Variants in DIPK2A observed in about 807,000 individuals in gnomAD.
DIPK2A encodes Golgi Protein of 49 kDa.
Under a neutral mutation model 39.0 loss-of-function variants are expected in DIPK2A, and 27 were observed. The observed-to-expected ratio is 0.69, with a 90% confidence interval of 0.51 to 0.96. The LOEUF (loss-of-function observed/expected upper bound fraction) is 0.96. Ranked by LOEUF, DIPK2A falls within the 40% of genes least tolerant of loss-of-function variation. The pLI is 0.00. For missense variants in DIPK2A, 528 were observed against 571.3 expected (o/e 0.92, Z 0.77); for synonymous variants, 298 against 240.8 (o/e 1.24, Z -2.20).
chr3:143,986,030 C>A, intron 2 of DIPK2A, 184 bp downstream of exon 2: 1 of 574,016 alleles, frequency 1.7e-6, no homozygotes, highest in Non-Finnish European at 3.0e-6. Flanking sequence ...GGGGTTACAT[C>A]TTGATAAACC....
Position 143,992,080 on chromosome 3 carries a change from T to G in DIPK2A, c.*2239T>G, listed in dbSNP as rs1339671332. ...GAATTTAAAATTACAGGGAAAAATA[T>G]GTAAGTGAAAAGCAATAAATATTTT... is the stretch of plus-strand genomic sequence containing the variant. On this transcript the variant is annotated 3_prime_UTR_variant, in exon 3 of 3. Coordinates refer to ENST00000315691, the MANE Select transcript of DIPK2A (RefSeq NM_173552.5). The G allele has an allele frequency of 6.6e-6, 1 of 152,632 alleles. No homozygotes were observed. The highest frequency in any genetic ancestry group is 1.5e-5 in the Non-Finnish European group (1 of 68,026). 9.5% of individuals were successfully genotyped at this position (152,632 alleles called of 1,614,324 possible).
chr3:143,985,449 A>G lies in DIPK2A; in HGVS notation c.658-94A>G, dbSNP rs1470543236. ...GAATGTAATAAGAAAATCCAAAGTC[A>G]TTCCTAGTAGCAATCTCTACTGAAA... On this transcript the variant is annotated intron_variant, in intron 1 of 2. Coordinates refer to ENST00000315691, the MANE Select transcript of DIPK2A (RefSeq NM_173552.5). The G allele has an allele frequency of 5.5e-6, 6 of 1,085,122 alleles. No homozygotes were observed. The African/African-American group carries it at 7.9e-5, about 14-fold the overall frequency. 67.2% of individuals were successfully genotyped at this position (1,085,122 alleles called of 1,614,324 possible). A position where few individuals can be genotyped will look rare whatever the true frequency, so the allele number is the denominator to read the frequency against.
In DIPK2A at chr3:143,985,602, G is replaced by A. The variant is rs2087887070; in HGVS notation, c.717G>A (p.Met239Ile). 5 of 1,614,018 alleles carry A rather than the reference G, an allele frequency of 3.1e-6. No individual in the cohort carries two copies. Among genetic ancestry groups the A allele is most frequent in the Non-Finnish European group, 4.2e-6 (5 of 1,179,998 alleles). Reference protein sequence around the residue: ...FAKYLGACGRMVAVNYVGEEL... With the variant: ...FAKYLGACGRIVAVNYVGEEL... Reference sequence around the variant, plus strand: ...AGTATCTTGGAGCTTGTGGAAGAATGGTGGCTGTAAATTATGTTGGAGAAG... The same window carrying A: ...AGTATCTTGGAGCTTGTGGAAGAATAGTGGCTGTAAATTATGTTGGAGAAG... The change falls in exon 2 of 3, where the codon ATG (methionine) becomes ATA (isoleucine). Residue 239 changes from methionine to isoleucine, a missense_variant. Physicochemically the swap from Met to Ile is conservative, Grantham distance 10. This residue lies in a region of DIPK2A where 219 missense variants were observed against 281.5 expected (regional missense o/e 0.78). Coordinates refer to ENST00000315691, the MANE Select transcript of DIPK2A (RefSeq NM_173552.5).
rs568774882 is a variant in DIPK2A at position 143,990,135 on chromosome 3, A to G, written c.*294A>G. 9 of 306,070 alleles carry G rather than the reference A, an allele frequency of 2.9e-5. No homozygotes were observed. Among genetic ancestry groups the G allele is most frequent in the African/African-American group, 1.1e-4 (5 of 47,354 alleles). 19.0% of individuals were successfully genotyped at this position (306,070 alleles called of 1,614,324 possible). A position where few individuals can be genotyped will look rare whatever the true frequency, so the allele number is the denominator to read the frequency against. On this transcript the variant is annotated 3_prime_UTR_variant, in exon 3 of 3. Coordinates refer to ENST00000315691, the MANE Select transcript of DIPK2A (RefSeq NM_173552.5). ...AATGAATATTGTTAAGCTATTGGAA[A>G]TGAGTCTGATAGTACATTGGCTTGT...
At position 143,979,383 on chromosome 3, in the gene DIPK2A, A is replaced by G. The variant is rs113160945; in HGVS notation, c.658-6160A>G. 7.5e-3 allele frequency among the ~76,000 whole-genome samples: 1,148 copies of G among 152,276 alleles called. 7 individuals carry two copies. Among genetic ancestry groups the G allele is most frequent in the Non-Finnish European group, 0.011 (742 of 67,992 alleles). On this transcript the variant is annotated intron_variant, in intron 1 of 2. Transcript: ENST00000315691. ...ATCATTATTATAGTTTAGTAATTCT[A>G]TTTAGTACATTGGTAAATGGTAGTA...
intron 1 of DIPK2A, among the ~76,000 whole-genome samples, chr3:143,982,084 G>A (rs1229118014): frequency 6.6e-6 from 1 of 152,148 alleles, no homozygotes; most frequent in Non-Finnish European, 1.5e-5. Context: ...GTGTGTACAC[G>A]TTTCCAATTT....
chr3:143,973,738 C>T (rs1330757609), intron 1 of DIPK2A: 1 of 611,228 alleles, frequency 1.6e-6, no homozygotes, highest in Admixed American at 2.9e-5. Flanking sequence ...AAATATTAGG[C>T]CAGGGCGAGT....
At position 143,972,173 on chromosome 3, in the gene DIPK2A, C is replaced by G; in HGVS notation, c.-160C>G. On this transcript the variant is annotated 5_prime_UTR_variant, in exon 1 of 3. Coordinates refer to ENST00000315691, the MANE Select transcript of DIPK2A (RefSeq NM_173552.5). ...CCGCTCAGGCCCGCGCCTTCCCGCT[C>G]CCCGTCTTCCTCTCTCACACACCTA... 1 of 545,886 alleles carries G rather than the reference C, an allele frequency of 1.8e-6. No homozygotes were observed. The highest frequency in any genetic ancestry group is 2.9e-6 in the Non-Finnish European group (1 of 350,168). 33.8% of individuals were successfully genotyped at this position (545,886 alleles called of 1,614,324 possible).
At chr3:143,986,267 T>G (rs2087898394) in intron 2 of DIPK2A, 1 of 158,132 alleles carries the variant, frequency 6.3e-6, no homozygotes, top group African/African-American at 2.4e-5. Context: ...TATGGGTTCT[T>G]GAAATATGGT....
chr3:143,982,580 A>G (rs2087841365), intron 1 of DIPK2A, among the ~76,000 whole-genome samples: 1 of 152,188 alleles, frequency 6.6e-6, no homozygotes, highest in South Asian at 2.1e-4. Context: ...GGCCTGCCTT[A>G]CAAGACCTCC....
In DIPK2A at chr3:143,973,416, G is replaced by A. The variant is rs954167931; in HGVS notation, c.657+427G>A. 5 of 1,550,188 alleles carry A rather than the reference G, an allele frequency of 3.2e-6. No individual in the cohort carries two copies. The South Asian group carries it at 3.6e-5, about 11-fold the overall frequency. On this transcript the variant is annotated intron_variant, in intron 1 of 2. Coordinates refer to ENST00000315691, the MANE Select transcript of DIPK2A (RefSeq NM_173552.5). ...GTTCTTCTGAAGTGTTCTACACCGC[G>A]TTCGCTCTTCCTTTTCTGGCGCTGG... is the stretch of plus-strand genomic sequence containing the variant.
chr3:143,981,816 A>T (rs1036100684), intron 1 of DIPK2A, among the ~76,000 whole-genome samples: 1 of 152,212 alleles, frequency 6.6e-6, no homozygotes, highest in African/African-American at 2.4e-5. Context: ...TGTTGTAAAG[A>T]TAATTATAGC....
At chr3:143,977,193 C>T (rs11720435) in intron 1 of DIPK2A, among the ~76,000 whole-genome samples, 12,959 of 152,022 alleles carry the variant, frequency 0.085, 747 homozygotes, top group East Asian at 0.24. Context: ...ATTTAGCTAA[C>T]GGTACTTTAG....
chr3:143,978,205 A>G (rs1280789502), intron 1 of DIPK2A, among the ~76,000 whole-genome samples: 1 of 151,916 alleles, frequency 6.6e-6, no homozygotes, highest in Non-Finnish European at 1.5e-5. Flanking sequence ...CTGACTCTTC[A>G]CAGAATGCTA....
intron 1 of DIPK2A, among the ~76,000 whole-genome samples, chr3:143,979,558 G>A (rs1029652588): frequency 2.6e-5 from 4 of 152,078 alleles, no homozygotes; most frequent in Non-Finnish European, 4.4e-5. Context: ...AGATCTGACA[G>A]TAATTATGTG....
At chr3:143,979,594 G>C (rs559190433) in intron 1 of DIPK2A, among the ~76,000 whole-genome samples, 1 of 152,244 alleles carries the variant, frequency 6.6e-6, no homozygotes, top group Non-Finnish European at 1.5e-5. Context: ...GCCAGGAACT[G>C]ATCTGTATAT....
In DIPK2A at chr3:143,978,667, TAG is replaced by T. The variant is rs201692052; in HGVS notation, c.657+5680_657+5681del. ...ATATATATATATATATATCTATATA[TAG>T]ATATATATATATCTATATATATATA... On this transcript the variant is annotated intron_variant, in intron 1 of 2. Transcript: ENST00000315691. 2.6e-3 allele frequency: 110 copies of T among 42,612 alleles called. 2 individuals are homozygous for T. Among genetic ancestry groups the T allele is most frequent in the African/African-American group, 0.013 (92 of 6,972 alleles). 2.6% of individuals were successfully genotyped at this position (42,612 alleles called of 1,614,324 possible).
intron 1 of DIPK2A, among the ~76,000 whole-genome samples, chr3:143,975,814 AT>A (rs2087720876): frequency 2.0e-5 from 3 of 152,172 alleles, no homozygotes; most frequent in African/African-American, 7.2e-5. Flanking sequence ...TTTTTCTTAT[AT>A]TGTCCAAAAA....
intron 1 of DIPK2A, among the ~76,000 whole-genome samples, chr3:143,985,205 A>G (rs1267696861): frequency 6.6e-6 from 1 of 152,226 alleles, no homozygotes; most frequent in Non-Finnish European, 1.5e-5. Flanking sequence ...TTACATTTAC[A>G]CAAGTGAAGA....
Sources: gnomAD v4.1 joint callset for allele counts (sites outside exome capture counted in the v4.1 genomes callset) on GRCh38, gnomAD v4.1.1 for gene constraint, gnomAD v4.1.1 regional missense constraint, MANE v1.5 for transcripts, NCBI Gene and HGNC (gene_info 2026-07-23, HGNC 2026-07-21) for gene names.